Variants in PCDHGC3 observed in about 807,000 individuals in gnomAD.
PCDHGC3 encodes the protein protocadherin gamma subfamily C, 3.
PCDHGC3 carries 26 observed loss-of-function variants against 59.2 expected under a neutral mutation model. The observed-to-expected ratio is 0.44, with a 90% confidence interval of 0.32 to 0.61. The LOEUF is 0.61. Ranked by LOEUF, PCDHGC3 falls within the 20% of genes least tolerant of loss-of-function variation. The pLI is 0.05. For synonymous variants in PCDHGC3, 487 were observed against 519.7 expected (o/e 0.94, Z 0.86); for missense variants, 1,080 against 1,221.8 (o/e 0.88, Z 1.73).
chr5:141,491,454 C>G lies in PCDHGC3; in HGVS notation c.2431-3353C>G. ...GCTGCAGGCGCCAGGACTCACCCTCCCCGGACTTCTATAAGCAGTCCAGCC... is the reference window on the plus strand; with the variant it reads ...GCTGCAGGCGCCAGGACTCACCCTCGCCGGACTTCTATAAGCAGTCCAGCC... On this transcript the variant is annotated intron_variant, in intron 1 of 3. Coordinates refer to ENST00000308177, the MANE Select transcript of PCDHGC3 (RefSeq NM_002588.4). This position sits in a 1 kb window ranked among gnomAD's most constrained non-coding sequence, Gnocchi z 6.9. The G allele has an allele frequency of 6.2e-7, 1 of 1,614,120 alleles. No individual in the cohort carries two copies. Among genetic ancestry groups the G allele is most frequent in the Non-Finnish European group, 8.5e-7 (1 of 1,180,032 alleles).
rs2099619316 is a variant in PCDHGC3, at chr5:141,485,794, C to A, written c.2430+7248C>A. The A allele has an allele frequency of 6.2e-7, 1 of 1,614,120 alleles. No homozygotes were observed. The highest frequency in any genetic ancestry group is 1.1e-5 in the South Asian group (1 of 91,092). On this transcript the variant is annotated intron_variant, in intron 1 of 3. Transcript: ENST00000308177. This position sits in a 1 kb window ranked among gnomAD's most constrained non-coding sequence, Gnocchi z 5.7. ...CTTTGGATCGAGAGAAGCAATCGGA[C>A]TACCGCCTGGTGCTGACTGCTGTCG...
Position 141,487,682 on chromosome 5 carries a change from G to A in PCDHGC3, c.2431-7125G>A, listed in dbSNP as rs757434520. On this transcript the variant is annotated intron_variant, in intron 1 of 3. Transcript: ENST00000308177. This position sits in a 1 kb window ranked among gnomAD's most constrained non-coding sequence, Gnocchi z 5.0. ...TGATCCAGGCATATGGCTAGGCCATGTCCTAGAGAGTACTGGCCTCTCAGT... is the reference window on the plus strand; with the variant it reads ...TGATCCAGGCATATGGCTAGGCCATATCCTAGAGAGTACTGGCCTCTCAGT... The A allele has an allele frequency of 1.2e-6, 2 of 1,607,256 alleles. No individual in the cohort carries two copies. Among genetic ancestry groups the A allele is most frequent in the East Asian group, 4.5e-5 (2 of 44,762 alleles).
In PCDHGC3 at chr5:141,476,291, G is replaced by T. The variant is rs1385060012; in HGVS notation, c.175G>T (p.Gly59Cys). The stretch of plus-strand genomic sequence containing the variant: ...GGTCGCGAACCTTGGTTTGGATCTC[G>T]GTAGCCTCTCAGCCCGCAGGTTCCG... ...NVVANLGLDL[G>C]SLSARRFRVV... Residue 59 changes from glycine (G) to cysteine (C), a missense_variant, in exon 1 of 4, where the codon GGT (glycine) becomes TGT (cysteine). By Grantham distance (159) the Gly-to-Cys change is radical. Coordinates refer to ENST00000308177, the MANE Select transcript of PCDHGC3 (RefSeq NM_002588.4). This position sits in a 1 kb window ranked among gnomAD's most constrained non-coding sequence, Gnocchi z 7.6. 4 of 1,614,128 alleles carry T rather than the reference G, an allele frequency of 2.5e-6. No homozygotes were observed. Among genetic ancestry groups the T allele is most frequent in the South Asian group, 1.1e-5 (1 of 91,072 alleles).
In PCDHGC3 at chr5:141,489,184, G is replaced by T; in HGVS notation, c.2431-5623G>T. ...TCAGCTGCTGCATTCCAAGCCCTGG[G>T]TCTACCTTGGAGACAGGACAGCACA... On this transcript the variant is annotated intron_variant, in intron 1 of 3. Transcript: ENST00000308177. This position sits in a 1 kb window ranked among gnomAD's most constrained non-coding sequence, Gnocchi z 4.5. 7.8e-7 allele frequency: 1 copy of T among 1,287,330 alleles called. No homozygotes were observed. Among genetic ancestry groups the T allele is most frequent in the Non-Finnish European group, 1.1e-6 (1 of 928,816 alleles). 79.7% of individuals were successfully genotyped at this position (1,287,330 alleles called of 1,614,324 possible).
chr5:141,480,381 C>T (rs1018981416), intron 1 of PCDHGC3, among the ~76,000 whole-genome samples: 2 of 151,926 alleles, frequency 1.3e-5, no homozygotes, highest in Non-Finnish European at 2.9e-5. Context: ...CACCACTACA[C>T]TTCAACCATG....
chr5:141,493,641 G>A lies in PCDHGC3; in HGVS notation c.2431-1166G>A, dbSNP rs547664603. Among the ~76,000 whole-genome samples, 2 of 152,240 alleles carry A rather than the reference G, an allele frequency of 1.3e-5. No individual in the cohort carries two copies. The highest frequency in any genetic ancestry group is 3.9e-4 in the East Asian group (2 of 5,172). On this transcript the variant is annotated intron_variant, in intron 1 of 3. Coordinates refer to ENST00000308177, the MANE Select transcript of PCDHGC3 (RefSeq NM_002588.4). The surrounding 1 kb of genome is among the most constrained non-coding windows in gnomAD (Gnocchi z 4.3). The stretch of plus-strand genomic sequence containing the variant: ...CTAAGAATACAGTGGCTGAGGGCTG[G>A]CCATCCCTGTGCCCTTCTCCATGGC...
rs1032445242 is a variant in PCDHGC3 at position 141,487,571 on chromosome 5, G to C, written c.2431-7236G>C. The C allele has an allele frequency of 6.2e-7, 1 of 1,614,060 alleles. No homozygotes were observed. The highest frequency in any genetic ancestry group is 8.5e-7 in the Non-Finnish European group (1 of 1,180,046). ...CAGTGCACCTATGGCAGGGGAGCCTGTTCGCCCAAGCTGCCCACCCTCTGA... is the reference window on the plus strand; with the variant it reads ...CAGTGCACCTATGGCAGGGGAGCCTCTTCGCCCAAGCTGCCCACCCTCTGA... On this transcript the variant is annotated intron_variant, in intron 1 of 3. Transcript: ENST00000308177. This position sits in a 1 kb window ranked among gnomAD's most constrained non-coding sequence, Gnocchi z 5.0.
intron 3 of PCDHGC3, among the ~76,000 whole-genome samples, chr5:141,510,584 C>T (rs2099881791): frequency 1.3e-5 from 2 of 152,184 alleles, no homozygotes. Flanking sequence ...TTTTACGTAC[C>T]TGACATACAT....
Position 141,483,648 on chromosome 5 carries a change from T to TTGTG in PCDHGC3, c.2430+5120_2430+5123dup, listed in dbSNP as rs111458813. ...GGAGAAGGTATAGAGGGGTGTGTGTTTGTGTGTGTGTGTGTGTGTGTAAAA... is the reference window on the plus strand; with the variant it reads ...GGAGAAGGTATAGAGGGGTGTGTGTTTGTGTGTGTGTGTGTGTGTGTGTGTAAAA... On this transcript the variant is annotated intron_variant, in intron 1 of 3. Coordinates refer to ENST00000308177, the MANE Select transcript of PCDHGC3 (RefSeq NM_002588.4). Among the ~76,000 whole-genome samples, 501 of 149,686 alleles carry TTGTG rather than the reference T, an allele frequency of 3.3e-3. 2 individuals are homozygous for TTGTG. Among genetic ancestry groups the TTGTG allele is most frequent in the African/African-American group, 7.3e-3 (297 of 40,842 alleles).
rs749528675 is a variant in PCDHGC3, at chr5:141,490,604, A to G, written c.2431-4203A>G. On this transcript the variant is annotated intron_variant, in intron 1 of 3. Coordinates refer to ENST00000308177, the MANE Select transcript of PCDHGC3 (RefSeq NM_002588.4). This position sits in a 1 kb window ranked among gnomAD's most constrained non-coding sequence, Gnocchi z 5.4. ...GTCAATGACAATGCACCCCGCTTCA[A>G]CCAGCAGCTTTACACTGCTTACATC... is the stretch of plus-strand genomic sequence containing the variant. 13 of 1,614,192 alleles carry G rather than the reference A, an allele frequency of 8.1e-6. No homozygotes were observed. Among genetic ancestry groups the G allele is most frequent in the Non-Finnish European group, 1.1e-5 (13 of 1,180,022 alleles).
Position 141,477,650 on chromosome 5 carries a change from A to C in PCDHGC3, c.1534A>C (p.Ile512Leu). The C allele has an allele frequency of 6.2e-7, 1 of 1,614,210 alleles. No homozygotes were observed. Among genetic ancestry groups the C allele is most frequent in the Non-Finnish European group, 8.5e-7 (1 of 1,180,036 alleles). Residue 512 changes from isoleucine (I) to leucine (L), a missense_variant, in exon 1 of 4, where the codon ATA (isoleucine) becomes CTA (leucine). Physicochemically the swap from Ile to Leu is conservative, Grantham distance 5. Coordinates refer to ENST00000308177, the MANE Select transcript of PCDHGC3 (RefSeq NM_002588.4). The surrounding 1 kb of genome is among the most constrained non-coding windows in gnomAD (Gnocchi z 4.9). The stretch of plus-strand genomic sequence containing the variant: ...CGGGCTAGTGGGTCGCTATTTCACA[A>C]TAAATCGTGACAATGGCATAGTGTC... ...ETGLVGRYFT[I>L]NRDNGIVSSL...
At position 141,485,069 on chromosome 5, in the gene PCDHGC3, G is replaced by A. The variant is rs1185236732; in HGVS notation, c.2430+6523G>A. 1.1e-6 allele frequency: 1 copy of A among 905,912 alleles called. No homozygotes were observed. Among genetic ancestry groups the A allele is most frequent in the Non-Finnish European group, 1.7e-6 (1 of 577,940 alleles). The allele number at this position is 905,912 out of a possible 1,614,324, so 56.1% of individuals were successfully genotyped here. A position where few individuals can be genotyped will look rare whatever the true frequency, so the allele number is the denominator to read the frequency against. On this transcript the variant is annotated intron_variant, in intron 1 of 3. Coordinates refer to ENST00000308177, the MANE Select transcript of PCDHGC3 (RefSeq NM_002588.4). This position sits in a 1 kb window ranked among gnomAD's most constrained non-coding sequence, Gnocchi z 5.7. ...GCGCCGGCCGAACCGCGCCAGAGCTGGCGCGGGGAAAGGGAGATAGGTGTC... is the reference window on the plus strand; with the variant it reads ...GCGCCGGCCGAACCGCGCCAGAGCTAGCGCGGGGAAAGGGAGATAGGTGTC...
rs773126086 is a variant in PCDHGC3 at position 141,487,392 on chromosome 5, G to C, written c.2431-7415G>C. The C allele has an allele frequency of 6.2e-7, 1 of 1,614,176 alleles. No homozygotes were observed. Among genetic ancestry groups the C allele is most frequent in the Non-Finnish European group, 8.5e-7 (1 of 1,180,024 alleles). ...GCCTGTCTCACCAGATCTCGAAGGA[G>C]GGAGGGGCTTCCCCCTTCCAATGGG... On this transcript the variant is annotated intron_variant, in intron 1 of 3. Coordinates refer to ENST00000308177, the MANE Select transcript of PCDHGC3 (RefSeq NM_002588.4). This position sits in a 1 kb window ranked among gnomAD's most constrained non-coding sequence, Gnocchi z 5.0.
At chr5:141,481,606 C>T (rs2099540144) in intron 1 of PCDHGC3, among the ~76,000 whole-genome samples, 1 of 152,000 alleles carries the variant, frequency 6.6e-6, no homozygotes, top group South Asian at 2.1e-4. Context: ...TCACCTGAGG[C>T]CAGGAGTTCA....
At chr5:141,478,586 T>C (rs754157570) in intron 1 of PCDHGC3, 40 bp downstream of exon 1, 6 of 1,576,788 alleles carry the variant, frequency 3.8e-6, no homozygotes, top group Non-Finnish European at 3.4e-6. Context: ...GTTAGTGCTT[T>C]TTTATTCCTA....
rs1221067458 is a variant in PCDHGC3 at position 141,491,658 on chromosome 5, C to T, written c.2431-3149C>T. The T allele has an allele frequency of 3.1e-6, 5 of 1,613,822 alleles. No individual in the cohort carries two copies. The highest frequency in any genetic ancestry group is 2.2e-5 in the South Asian group (2 of 91,088). Reference sequence around the variant, plus strand: ...CCACAGCTCTGGCGCTGGAGCCTGACGCCATCCGGTCCCGCTCTAATACGC... The same window carrying T: ...CCACAGCTCTGGCGCTGGAGCCTGATGCCATCCGGTCCCGCTCTAATACGC... On this transcript the variant is annotated intron_variant, in intron 1 of 3. Coordinates refer to ENST00000308177, the MANE Select transcript of PCDHGC3 (RefSeq NM_002588.4). The surrounding 1 kb of genome is among the most constrained non-coding windows in gnomAD (Gnocchi z 6.9).
At chr5:141,484,315 C>T (rs1172379949) in intron 1 of PCDHGC3, among the ~76,000 whole-genome samples, 2 of 152,326 alleles carry the variant, frequency 1.3e-5, no homozygotes, top group African/African-American at 4.8e-5. Context: ...ACCCCGCTTC[C>T]ATACTGTCCT....
At chr5:141,482,530 C>CAAAAAAAAAAAAAAA (rs3074545) in intron 1 of PCDHGC3, among the ~76,000 whole-genome samples, 1 of 76,562 alleles carries the variant, frequency 1.3e-5, no homozygotes, top group African/African-American at 4.8e-5. Flanking sequence ...GACAGACATG[C>CAAAAAAAAAAAAAAA]AAAAAAAAAA....
chr5:141,481,066 A>G (rs1366968394), intron 1 of PCDHGC3, among the ~76,000 whole-genome samples: 1 of 152,156 alleles, frequency 6.6e-6, no homozygotes, highest in Non-Finnish European at 1.5e-5. Flanking sequence ...TCAAAAACAA[A>G]AAGAAAGAAA....
Sources: gnomAD v4.1 joint callset for allele counts (sites outside exome capture counted in the v4.1 genomes callset) on GRCh38, gnomAD v4.1.1 for gene constraint, Gnocchi (gnomAD v3.1) non-coding constraint, MANE v1.5 for transcripts, NCBI Gene and HGNC (gene_info 2026-07-23, HGNC 2026-07-21) for gene names.